ARHGAP17: variants seen among roughly 807,000 people sequenced by gnomAD.
The protein encoded by ARHGAP17 is Rho GTPase activating protein 17.
In ARHGAP17, 57 loss-of-function variants were observed where a neutral mutation model predicts 99.5. The ratio of observed to expected loss-of-function variants is 0.57; its 90% CI spans 0.46 to 0.71. The LOEUF (loss-of-function observed/expected upper bound fraction) is 0.71, where lower values mean the gene tolerates loss of function less well. Ranked by LOEUF, ARHGAP17 falls within the 30% of genes least tolerant of loss-of-function variation. The pLI, the probability that ARHGAP17 is intolerant of heterozygous loss-of-function variation, is 0.00. For missense variants in ARHGAP17, 1,000 were observed against 1,122.4 expected, an observed-to-expected ratio of 0.89 and a Z score of 1.56; for synonymous variants, 417 against 429.6, an observed-to-expected ratio of 0.97 and a Z score of 0.36.
At chr16:24,941,444 TCTCA>T (rs2051309360) in intron 16 of ARHGAP17, among the ~76,000 whole-genome samples, 1 of 152,136 alleles carries the variant, frequency 6.6e-6, no homozygotes, top group South Asian at 2.1e-4. Flanking sequence ...ACACACTGCT[TCTCA>T]CTAAGTTCAA....
At chr16:24,990,916 C>A (rs1203765673) in intron 1 of ARHGAP17, among the ~76,000 whole-genome samples, 1 of 152,044 alleles carries the variant, frequency 6.6e-6, no homozygotes. Flanking sequence ...AGCCATAATG[C>A]ACTGCAGCAC....
intron 9 of ARHGAP17, among the ~76,000 whole-genome samples, chr16:24,959,289 A>C (rs1423593538): frequency 6.6e-6 from 1 of 152,198 alleles, no homozygotes; most frequent in East Asian, 1.9e-4. Flanking sequence ...TATTTTCCCT[A>C]GAATGGATGC....
At chr16:24,947,690 T>C (rs2051514962) in intron 13 of ARHGAP17, 95 bp from the exon 14 acceptor site, 1 of 989,886 alleles carries the variant, frequency 1.0e-6, no homozygotes, top group African/African-American at 1.6e-5. Context: ...TTTGCTCAGG[T>C]GCTAACTGCA....
intron 16 of ARHGAP17, among the ~76,000 whole-genome samples, chr16:24,941,431 G>T (rs1474676703): frequency 6.6e-6 from 1 of 152,126 alleles, no homozygotes; most frequent in East Asian, 1.9e-4. Flanking sequence ...AGAGTATATA[G>T]AGACACACTG....
intron 17 of ARHGAP17, among the ~76,000 whole-genome samples, chr16:24,937,348 G>A (rs2051169347): frequency 6.6e-6 from 1 of 152,158 alleles, no homozygotes; most frequent in East Asian, 1.9e-4. Context: ...TTTGAACCCA[G>A]GAGGCAGAGG....
At chr16:24,930,569 C>G in intron 19 of ARHGAP17, 1 of 875,874 alleles carries the variant, frequency 1.1e-6, no homozygotes, top group African/African-American at 1.6e-5. Context: ...TCTGCTGTTT[C>G]AGCACCAATG....
chr16:24,952,162 G>T, intron 12 of ARHGAP17, 127 bp downstream of exon 12: 1 of 633,634 alleles, frequency 1.6e-6, no homozygotes, highest in Non-Finnish European at 2.6e-6. Context: ...TAAGAGCTGA[G>T]ACATGTATTA....
chr16:24,937,802 G>A (rs2051182988), intron 17 of ARHGAP17, among the ~76,000 whole-genome samples: 1 of 152,210 alleles, frequency 6.6e-6, no homozygotes, highest in Admixed American at 6.5e-5. Flanking sequence ...TTCTTTCAAG[G>A]CAAATTCATC....
At chr16:24,920,743 G>A (rs1029118189) in intron 19 of ARHGAP17, 1 of 154,084 alleles carries the variant, frequency 6.5e-6, no homozygotes, top group African/African-American at 2.4e-5. Flanking sequence ...TGCATTGTAG[G>A]TGTCACCCAA....
chr16:24,936,718 A>AG (rs2051150257), intron 17 of ARHGAP17: 1 of 152,056 alleles, frequency 6.6e-6, no homozygotes, highest in Non-Finnish European at 1.5e-5. Flanking sequence ...AAAAAAAAAA[A>AG]GCAAAGTAAC....
chr16:25,014,257 C>T (rs1035441221), intron 1 of ARHGAP17, among the ~76,000 whole-genome samples: 1 of 152,184 alleles, frequency 6.6e-6, no homozygotes, highest in Non-Finnish European at 1.5e-5. Flanking sequence ...TTCATACTTT[C>T]GTATCTCTTT....
chr16:25,006,922 C>T (rs981500212), intron 1 of ARHGAP17, among the ~76,000 whole-genome samples: 19 of 152,122 alleles, frequency 1.2e-4, no homozygotes, highest in African/African-American at 4.6e-4. Flanking sequence ...AAAACTGTCA[C>T]CATGAGGTGA....
chr16:24,957,340 T>C (rs184413696), intron 9 of ARHGAP17: 1 of 152,106 alleles, frequency 6.6e-6, no homozygotes, highest in East Asian at 1.9e-4. Flanking sequence ...AAAATGCAGG[T>C]AAGAGGCAAA....
chr16:24,943,387 A>C (rs1476645643), intron 15 of ARHGAP17, among the ~76,000 whole-genome samples: 2 of 152,170 alleles, frequency 1.3e-5, no homozygotes, highest in African/African-American at 2.4e-5. Flanking sequence ...TTTTCCCAGC[A>C]CTTGAGTTTG....
intron 1 of ARHGAP17, among the ~76,000 whole-genome samples, chr16:24,985,750 T>C (rs2052846873): frequency 6.6e-6 from 1 of 152,188 alleles, no homozygotes; most frequent in Non-Finnish European, 1.5e-5. Context: ...TTCTGCCTAC[T>C]TCAGGTCCAA....
intron 16 of ARHGAP17, among the ~76,000 whole-genome samples, chr16:24,940,809 ATC>A (rs1467083314): frequency 6.6e-6 from 1 of 152,210 alleles, no homozygotes; most frequent in Non-Finnish European, 1.5e-5. Flanking sequence ...AAGGCGACTG[ATC>A]TATGAACTTA....
At chr16:24,940,661 A>G (rs1446258783) in intron 16 of ARHGAP17, among the ~76,000 whole-genome samples, 1 of 152,140 alleles carries the variant, frequency 6.6e-6, no homozygotes, top group Non-Finnish European at 1.5e-5. Context: ...TGATCATACC[A>G]CTGCACTCTA....
chr16:24,983,529 TC>T (rs1356650568), intron 1 of ARHGAP17, among the ~76,000 whole-genome samples: 1 of 152,116 alleles, frequency 6.6e-6, no homozygotes, highest in Non-Finnish European at 1.5e-5. Flanking sequence ...GGTCTCAAAC[TC>T]CTGAGCTCAA....
intron 8 of ARHGAP17, 75 bp downstream of exon 8, chr16:24,959,836 G>T (rs553617951): frequency 3.1e-6 from 5 of 1,602,694 alleles, no homozygotes; most frequent in Non-Finnish European, 4.3e-6. Context: ...AACTAAAAAT[G>T]AAATCTTTTG....
Sources: allele counts gnomAD v4.1 joint callset (sites outside exome capture counted in the v4.1 genomes callset), GRCh38; gene constraint gnomAD v4.1.1; transcripts MANE v1.5; gene names NCBI Gene and HGNC (gene_info 2026-07-23, HGNC 2026-07-21).